The following METTL15 variants were observed in gnomAD, a reference collection of about 807,000 sequenced individuals.
METTL15 encodes the protein methyltransferase 15, mitochondrial 12S rRNA N4-cytidine.
METTL15 carries 34 observed loss-of-function variants against 38.3 expected under a neutral mutation model. The observed-to-expected ratio is 0.89, with a 90% CI of 0.68 to 1.18. The LOEUF (loss-of-function observed/expected upper bound fraction) is 1.18, where lower values mean the gene tolerates loss of function less well. METTL15 is among the 50% of genes most tolerant of loss of function. The pLI is 0.00. For synonymous variants in METTL15, 162 were observed against 170.9 expected, an observed-to-expected ratio of 0.95 and a Z score of 0.41; for missense variants, 438 against 498.4, an observed-to-expected ratio of 0.88 and a Z score of 1.15.
At chr11:28,166,248 T>C (rs1173110052) in intron 3 of METTL15, among the ~76,000 whole-genome samples, 2 of 152,220 alleles carry the variant, frequency 1.3e-5, no homozygotes, top group Non-Finnish European at 2.9e-5. Flanking sequence ...TATACTTAAC[T>C]AATCTGCATT....
intron 3 of METTL15, among the ~76,000 whole-genome samples, chr11:28,194,122 A>ATCTTTCTTTCTTTTTCTT (rs1851801877): frequency 1.0e-5 from 1 of 99,078 alleles, no homozygotes; most frequent in Non-Finnish European, 2.0e-5. Context: ...TTGATGGTTG[A>ATCTTTCTTTCTTTTTCTT]TCTTTCTTTC....
chr11:28,198,668 A>C (rs1283297075), intron 3 of METTL15, among the ~76,000 whole-genome samples: 1 of 152,182 alleles, frequency 6.6e-6, no homozygotes, highest in Non-Finnish European at 1.5e-5. Context: ...AAGTGTTAGC[A>C]GACAGATACT....
In METTL15 at chr11:28,438,984, A is replaced by G. The variant is rs1197899492; in HGVS notation, c.*424+14620A>G. Reference sequence around the variant, plus strand: ...GAGCCACCGCGCCCAGCCAGACCACATTTTTAAAACCATTAATTGTGTGTG... The same window carrying G: ...GAGCCACCGCGCCCAGCCAGACCACGTTTTTAAAACCATTAATTGTGTGTG... On this transcript the variant is annotated intron_variant and NMD_transcript_variant, in intron 6 of 7. Coordinates refer to the METTL15 transcript ENST00000532947. 2.7e-5 allele frequency among the ~76,000 whole-genome samples: 4 copies of G among 149,186 alleles called. 1 individual carries two copies.
intron 6 of METTL15, among the ~76,000 whole-genome samples, chr11:28,459,147 C>T (rs920571652): frequency 3.9e-5 from 6 of 152,128 alleles, no homozygotes; most frequent in African/African-American, 1.4e-4. Context: ...TTGGTATTTC[C>T]TATCCAAAAT....
chr11:28,501,350 A>G (rs150852760), intron 6 of METTL15, among the ~76,000 whole-genome samples: 10 of 152,300 alleles, frequency 6.6e-5, no homozygotes, highest in African/African-American at 2.2e-4. Context: ...AATCTACCCA[A>G]TGCGAAACAT....
intron 5 of METTL15, among the ~76,000 whole-genome samples, chr11:28,367,303 A>C (rs1850196048): frequency 6.6e-6 from 1 of 152,164 alleles, no homozygotes; most frequent in South Asian, 2.1e-4. Flanking sequence ...GAGCTTCTAA[A>C]AAAGAAACCA....
intron 5 of METTL15, among the ~76,000 whole-genome samples, chr11:28,396,687 T>C (rs1850572910): frequency 6.6e-6 from 1 of 152,154 alleles, no homozygotes; most frequent in Non-Finnish European, 1.5e-5. Context: ...ATAGATTCAA[T>C]GCCATCCCCA....
Position 28,512,683 on chromosome 11 carries a change from C to T in METTL15, c.*425-13795C>T, listed in dbSNP as rs191689499. On this transcript the variant is annotated intron_variant and NMD_transcript_variant, in intron 6 of 7. Coordinates refer to the METTL15 transcript ENST00000532947. ...AACTCCAGCTGGCCCGTAAGTGCCA[C>T]GCACAGCCCCGGTTCCCTCTCGCGC... Among the ~76,000 whole-genome samples the T allele has an allele frequency of 5.3e-5, 8 of 152,274 alleles. No individual in the cohort carries two copies. In the East Asian group the frequency reaches 7.7e-4, roughly 15 times the overall value.
chr11:28,512,322 G>A (rs898454521), intron 6 of METTL15, among the ~76,000 whole-genome samples: 4 of 152,220 alleles, frequency 2.6e-5, no homozygotes, highest in Non-Finnish European at 4.4e-5. Flanking sequence ...CCATTCCCAC[G>A]CAGTGCGCCC....
intron 5 of METTL15, among the ~76,000 whole-genome samples, chr11:28,414,462 T>C (rs935050611): frequency 2.0e-5 from 3 of 152,086 alleles, no homozygotes; most frequent in East Asian, 1.9e-4. Flanking sequence ...CAGCCTATGA[T>C]AGATAGAGAC....
chr11:28,400,396 C>T (rs1483426852), intron 5 of METTL15, among the ~76,000 whole-genome samples: 1 of 151,884 alleles, frequency 6.6e-6, no homozygotes, highest in Admixed American at 6.6e-5. Context: ...CTTGGACTGA[C>T]CTCCCACTCA....
chr11:28,415,264 A>T (rs1260623887), intron 5 of METTL15, among the ~76,000 whole-genome samples: 2 of 152,202 alleles, frequency 1.3e-5, no homozygotes, highest in East Asian at 3.9e-4. Flanking sequence ...ATGACTTTCT[A>T]GAAATATTTT....
intron 6 of METTL15, among the ~76,000 whole-genome samples, chr11:28,327,084 A>C (rs989068773): frequency 1.3e-5 from 2 of 152,186 alleles, no homozygotes; most frequent in Admixed American, 6.5e-5. Context: ...ATCTAAAATA[A>C]GGGAAGATAT....
chr11:28,274,329 A>G (rs562098746), intron 4 of METTL15, among the ~76,000 whole-genome samples: 41 of 152,184 alleles, frequency 2.7e-4, no homozygotes, highest in African/African-American at 7.9e-4. Context: ...GCTATTTGCC[A>G]TAATATTCTT....
At chr11:28,506,572 A>C (rs1851628784) in intron 6 of METTL15, among the ~76,000 whole-genome samples, 1 of 151,930 alleles carries the variant, frequency 6.6e-6, no homozygotes, top group Non-Finnish European at 1.5e-5. Context: ...CCTAACCCAA[A>C]CTTTGGTCTT....
chr11:28,311,617 G>C (rs776939936), intron 6 of METTL15, among the ~76,000 whole-genome samples: 10 of 152,192 alleles, frequency 6.6e-5, no homozygotes, highest in Admixed American at 2.6e-4. Context: ...GAGTCACATA[G>C]ATTTGAGCTG....
At chr11:28,231,174 G>T (rs1853670001) in intron 4 of METTL15, among the ~76,000 whole-genome samples, 1 of 151,732 alleles carries the variant, frequency 6.6e-6, no homozygotes, top group African/African-American at 2.4e-5. Context: ...TCAACATAAT[G>T]CCTTCTTACT....
chr11:28,398,361 A>G (rs1291977621), intron 5 of METTL15, among the ~76,000 whole-genome samples: 2 of 152,078 alleles, frequency 1.3e-5, no homozygotes, highest in Non-Finnish European at 2.9e-5. Context: ...TTTTTTAATG[A>G]TCACCATTCT....
intron 4 of METTL15, among the ~76,000 whole-genome samples, chr11:28,228,454 A>G (rs1156659730): frequency 1.3e-5 from 2 of 151,966 alleles, no homozygotes; most frequent in Admixed American, 6.6e-5. Flanking sequence ...ACTGTCTAGC[A>G]TATCTTTTTA....
Sources: gnomAD v4.1 joint callset for allele counts (sites outside exome capture counted in the v4.1 genomes callset) on GRCh38, gnomAD v4.1.1 for gene constraint, MANE v1.5 for transcripts, NCBI Gene and HGNC (gene_info 2026-07-23, HGNC 2026-07-21) for gene names.